Variants in COLEC12 observed in about 807,000 individuals in gnomAD.
COLEC12 encodes collectin subfamily member 12, also known as collectin-12.
COLEC12 carries 33 observed loss-of-function variants against 71.1 expected under a neutral mutation model. The observed-to-expected ratio is 0.46, with a 90% confidence interval of 0.35 to 0.62. The LOEUF (loss-of-function observed/expected upper bound fraction) is 0.62, where lower values mean the gene tolerates loss of function less well. COLEC12 is among the 20% of genes least tolerant of loss of function. The probability of loss-of-function intolerance (pLI) is 0.00; values close to 1 mark genes in which losing one functional copy is unlikely to be tolerated. For synonymous variants in COLEC12, 350 were observed against 353.0 expected, an observed-to-expected ratio of 0.99 and a Z score of 0.10; for missense variants, 765 against 916.1, an observed-to-expected ratio of 0.84 and a Z score of 2.13.
chr18:422,258 G>A (rs892312022), intron 2 of COLEC12, among the ~76,000 whole-genome samples: 2 of 152,210 alleles, frequency 1.3e-5, no homozygotes, highest in African/African-American at 4.8e-5. Flanking sequence ...AAAATACGCA[G>A]TTTAGCAATG....
At chr18:336,207 G>T (rs1914116019) in intron 5 of COLEC12, among the ~76,000 whole-genome samples, 1 of 152,088 alleles carries the variant, frequency 6.6e-6, no homozygotes, top group South Asian at 2.1e-4. Flanking sequence ...AGCTGTGGGG[G>T]TGCTGCTGTC....
chr18:374,405 C>T (rs57116141), intron 2 of COLEC12, among the ~76,000 whole-genome samples: 19,540 of 151,986 alleles, frequency 0.13, 1,488 homozygotes, highest in East Asian at 0.26. Flanking sequence ...AAAGTATGAC[C>T]TGCAATTGCA....
At chr18:412,905 G>C (rs1281901988) in intron 2 of COLEC12, among the ~76,000 whole-genome samples, 1 of 152,046 alleles carries the variant, frequency 6.6e-6, no homozygotes, top group Non-Finnish European at 1.5e-5. Context: ...TGAAAACAGA[G>C]CTATAAAAAA....
chr18:345,399 G>T (rs1914349062), intron 5 of COLEC12, among the ~76,000 whole-genome samples: 1 of 152,196 alleles, frequency 6.6e-6, no homozygotes, highest in East Asian at 1.9e-4. Flanking sequence ...TTATTTAGGA[G>T]ATGGGATATT....
intron 8 of COLEC12, among the ~76,000 whole-genome samples, chr18:328,057 T>G (rs964543133): frequency 6.6e-6 from 1 of 152,152 alleles, no homozygotes; most frequent in African/African-American, 2.4e-5. Flanking sequence ...AGGCTGGTCT[T>G]GAACTCCTGG....
At chr18:328,437 G>A (rs1159642827) in intron 8 of COLEC12, among the ~76,000 whole-genome samples, 4 of 152,188 alleles carry the variant, frequency 2.6e-5, no homozygotes, top group African/African-American at 9.7e-5. Context: ...CACACCTGTT[G>A]TGGGACTTGA....
intron 2 of COLEC12, among the ~76,000 whole-genome samples, chr18:419,148 C>CTTCTATTCTATTCTATTCTATTCTA (rs57522856): frequency 1.2e-4 from 17 of 145,492 alleles, no homozygotes; most frequent in African/African-American, 3.6e-4. Context: ...AGGCATCATA[C>CTTCTATTCTATTCTATTCTATTCTA]TTCTATTCTA....
chr18:496,080 T>C (rs1342616608), intron 1 of COLEC12, among the ~76,000 whole-genome samples: 1 of 152,248 alleles, frequency 6.6e-6, no homozygotes, highest in Non-Finnish European at 1.5e-5. Flanking sequence ...ATGTCCATTT[T>C]CCCATTTGAA....
chr18:341,805 G>C (rs1345128249), intron 5 of COLEC12, among the ~76,000 whole-genome samples: 17 of 152,136 alleles, frequency 1.1e-4, no homozygotes. Flanking sequence ...GAGGAACTTG[G>C]TACATGAATC....
intron 2 of COLEC12, among the ~76,000 whole-genome samples, chr18:458,486 G>A (rs1916914506): frequency 6.6e-6 from 1 of 152,214 alleles, no homozygotes; most frequent in Non-Finnish European, 1.5e-5. Flanking sequence ...ATCCAGGTTG[G>A]CCCTCTCCTC....
rs60146586 is a variant in COLEC12, at chr18:330,873, G to GTTT, written c.2063+792_2063+794dup. 5.9e-3 allele frequency among the ~76,000 whole-genome samples: 794 copies of GTTT among 133,736 alleles called. 15 individuals carry two copies. The highest frequency in any genetic ancestry group is 0.019 in the African/African-American group (661 of 35,608). The allele number at this position is 133,736 out of a possible 152,430, so 87.7% of individuals were successfully genotyped here. A position where few individuals can be genotyped will look rare whatever the true frequency, so the allele number is the denominator to read the frequency against. On this transcript the variant is annotated intron_variant, in intron 8 of 9. Coordinates refer to ENST00000400256, the MANE Select transcript of COLEC12 (RefSeq NM_130386.3). ...TGAGTAGGAAAATCACACATTTGTAGTTTTTTTTTTTTTTTTTCTTTTTTG... is the reference window on the plus strand; with the variant it reads ...TGAGTAGGAAAATCACACATTTGTAGTTTTTTTTTTTTTTTTTTTTCTTTTTTG...
intron 2 of COLEC12, among the ~76,000 whole-genome samples, chr18:388,737 G>A (rs944479563): frequency 5.3e-5 from 8 of 152,140 alleles, no homozygotes; most frequent in African/African-American, 1.4e-4. Flanking sequence ...GCTACCTGTG[G>A]CCACCCAGGT....
Position 318,076 on chromosome 18 carries a change from A to C in COLEC12, c.*1969T>G, listed in dbSNP as rs953341101. On this transcript the variant is annotated 3_prime_UTR_variant, in exon 10 of 10. Coordinates refer to ENST00000400256, the MANE Select transcript of COLEC12 (RefSeq NM_130386.3). Reference sequence around the variant, plus strand: ...ACTGCAAGCTCCGCTTCCTGGGTTCACGCCATTCTCCTGCCTCAGCCTCCC... The same window carrying C: ...ACTGCAAGCTCCGCTTCCTGGGTTCCCGCCATTCTCCTGCCTCAGCCTCCC... 3 of 146,428 alleles carry C rather than the reference A, an allele frequency of 2.0e-5. No individual in the cohort carries two copies. Among genetic ancestry groups the C allele is most frequent in the Admixed American group, 1.4e-4 (2 of 14,640 alleles). 9.1% of individuals were successfully genotyped at this position (146,428 alleles called of 1,614,324 possible).
chr18:478,065 G>A (rs753037321), intron 2 of COLEC12, among the ~76,000 whole-genome samples: 6 of 152,146 alleles, frequency 3.9e-5, no homozygotes, highest in Non-Finnish European at 7.3e-5. Flanking sequence ...TAACCATGAT[G>A]AGGCCTCCCC....
intron 2 of COLEC12, among the ~76,000 whole-genome samples, chr18:379,337 G>C (rs891412546): frequency 6.6e-6 from 1 of 151,822 alleles, no homozygotes; most frequent in African/African-American, 2.4e-5. Context: ...ATATTACCCA[G>C]GCTGGTCTCA....
intron 2 of COLEC12, among the ~76,000 whole-genome samples, chr18:382,479 A>C (rs1423834725): frequency 1.3e-5 from 2 of 152,184 alleles, no homozygotes; most frequent in African/African-American, 2.4e-5. Context: ...GACCTGAAAA[A>C]ACAGGATTGA....
rs761243877 is a variant in COLEC12 at position 348,125 on chromosome 18, T to C, written c.220A>G (p.Thr74Ala). 1.2e-6 allele frequency: 2 copies of C among 1,613,966 alleles called. No individual in the cohort carries two copies. Among genetic ancestry groups the C allele is most frequent in the East Asian group, 2.2e-5 (1 of 44,880 alleles). ...TTGTCATCATAGGTTTGGCGAGATG[T>C]TTCCATGCCACCTGTGACATTGTCC... The part of the protein sequence containing the change: ...KMDNVTGGME[T>A]SRQTYDDKLT... The change falls in exon 4 of 10, where the codon ACA becomes GCA. Residue 74 changes from threonine (T) to alanine (A), a missense_variant. Transcript: ENST00000400256.
At chr18:457,874 C>T (rs1335854924) in intron 2 of COLEC12, among the ~76,000 whole-genome samples, 1 of 152,158 alleles carries the variant, frequency 6.6e-6, no homozygotes, top group Admixed American at 6.5e-5. Flanking sequence ...ATTGAGGAGA[C>T]GGCGTATCTT....
intron 2 of COLEC12, among the ~76,000 whole-genome samples, chr18:379,166 A>C (rs1386219884): frequency 6.6e-6 from 1 of 151,568 alleles, no homozygotes; most frequent in East Asian, 1.9e-4. Context: ...TCTGTCACCT[A>C]GGCTGGAGTA....
Sources: gnomAD v4.1 joint callset for allele counts (sites outside exome capture counted in the v4.1 genomes callset) on GRCh38, gnomAD v4.1.1 for gene constraint, MANE v1.5 for transcripts, NCBI Gene and HGNC (gene_info 2026-07-23, HGNC 2026-07-21) for gene names.